The following PREP variants were observed in gnomAD, a reference collection of about 807,000 sequenced individuals.
PREP encodes the protein dJ355L5.1 (prolyl endopeptidase).
Under a neutral mutation model 87.6 loss-of-function variants are expected in PREP, and 29 were observed. The observed-to-expected ratio is 0.33, with a 90% CI of 0.25 to 0.45. The LOEUF is 0.45. Ranked by LOEUF, PREP falls within the 20% of genes least tolerant of loss-of-function variation. The pLI, the probability that PREP is intolerant of heterozygous loss-of-function variation, is 1.00. For synonymous variants in PREP, 337 were observed against 328.6 expected, an observed-to-expected ratio of 1.03 and a Z score of -0.28; for missense variants, 695 against 886.5, an observed-to-expected ratio of 0.78 and a Z score of 2.74.
intron 2 of PREP, among the ~76,000 whole-genome samples, chr6:105,383,818 C>A (rs1772915158): frequency 6.6e-6 from 1 of 152,122 alleles, no homozygotes; most frequent in African/African-American, 2.4e-5. Flanking sequence ...ATTTTAACCC[C>A]ATTAGGCTCC....
chr6:105,344,537 G>A (rs1472259842), intron 7 of PREP, among the ~76,000 whole-genome samples: 1 of 151,346 alleles, frequency 6.6e-6, no homozygotes, highest in Non-Finnish European at 1.5e-5. Flanking sequence ...GTAGGGACAT[G>A]GATGAAGCTG....
chr6:105,359,561 C>T (rs919702108), intron 6 of PREP, among the ~76,000 whole-genome samples: 18 of 152,242 alleles, frequency 1.2e-4, no homozygotes, highest in African/African-American at 4.1e-4. Flanking sequence ...ATCTCACTGA[C>T]AGACATCAGC....
intron 10 of PREP, among the ~76,000 whole-genome samples, chr6:105,301,855 T>A (rs1161142027): frequency 6.6e-6 from 1 of 152,186 alleles, no homozygotes; most frequent in Non-Finnish European, 1.5e-5. Flanking sequence ...GCCATCTGTT[T>A]TTTGGAATAA....
intron 7 of PREP, among the ~76,000 whole-genome samples, chr6:105,352,542 G>A (rs778555639): frequency 6.6e-6 from 1 of 152,074 alleles, no homozygotes; most frequent in Non-Finnish European, 1.5e-5. Context: ...TTAAAGACAG[G>A]GTCTGGCTAT....
intron 1 of PREP, among the ~76,000 whole-genome samples, chr6:105,400,064 C>T (rs919931810): frequency 6.6e-6 from 1 of 152,212 alleles, no homozygotes; most frequent in Admixed American, 6.5e-5. Context: ...GAAACATTCT[C>T]TCCAGGACAA....
chr6:105,349,713 CA>C (rs1771894525), intron 7 of PREP, among the ~76,000 whole-genome samples: 1 of 151,880 alleles, frequency 6.6e-6, no homozygotes, highest in African/African-American at 2.4e-5. Flanking sequence ...TTTAAGATAT[CA>C]AAAGAGGTAT....
At chr6:105,280,068 T>A (rs62419678) in intron 14 of PREP, among the ~76,000 whole-genome samples, 10 of 152,150 alleles carry the variant, frequency 6.6e-5, no homozygotes, top group African/African-American at 2.2e-4. Context: ...TAAAAAAAAT[T>A]CAGTCATTTT....
intron 1 of PREP, among the ~76,000 whole-genome samples, chr6:105,401,149 G>A (rs932441004): frequency 6.6e-6 from 1 of 152,140 alleles, no homozygotes; most frequent in East Asian, 1.9e-4. Context: ...TCTTTTAGAC[G>A]TCTTCATAAA....
At chr6:105,282,744 T>G (rs2236285) in intron 12 of PREP, among the ~76,000 whole-genome samples, 162 bp from the exon 13 acceptor site, 11,448 of 152,328 alleles carry the variant, frequency 0.075, 503 homozygotes, top group Admixed American at 0.12. Flanking sequence ...AGTTCTGTTA[T>G]GCACTGTGGA....
chr6:105,277,286 CTGTT>C lies in PREP; in HGVS notation c.*854_*857del, dbSNP rs61633877. Among the ~76,000 whole-genome samples, 10,472 of 151,500 alleles carry C rather than the reference CTGTT, an allele frequency of 0.069. 566 individuals carry two copies. The highest frequency in any genetic ancestry group is 0.15 in the African/African-American group (6,299 of 41,228). On this transcript the variant is annotated 3_prime_UTR_variant, in exon 15 of 15. Transcript: ENST00000652536. ...GTAAGAAATGCTTGGATATATGTAT[CTGTT>C]TGTTTGGATAATTTACTCATGTGAT...
At chr6:105,312,090 T>C (rs1209082662) in intron 10 of PREP, among the ~76,000 whole-genome samples, 2 of 152,226 alleles carry the variant, frequency 1.3e-5, no homozygotes, top group Non-Finnish European at 2.9e-5. Context: ...AACAGAAAAC[T>C]TGAGGCTCCA....
At chr6:105,353,144 T>C in intron 6 of PREP, 67 bp from the exon 7 acceptor site, 1 of 1,287,958 alleles carries the variant, frequency 7.8e-7, no homozygotes, top group Non-Finnish European at 1.1e-6. Context: ...CATTATTGAA[T>C]ATTAAGTTAA....
At chr6:105,358,185 A>G (rs908806437) in intron 6 of PREP, among the ~76,000 whole-genome samples, 1 of 152,166 alleles carries the variant, frequency 6.6e-6, no homozygotes, top group African/African-American at 2.4e-5. Flanking sequence ...TTATGTAAAT[A>G]AAACATTAAC....
intron 10 of PREP, among the ~76,000 whole-genome samples, chr6:105,316,300 C>T (rs1038464181): frequency 6.6e-6 from 1 of 152,118 alleles, no homozygotes; most frequent in Admixed American, 6.5e-5. Context: ...GGCGGTCTGA[C>T]GAGAGGGAGA....
intron 2 of PREP, among the ~76,000 whole-genome samples, chr6:105,386,022 A>G (rs1772984481): frequency 6.6e-6 from 1 of 152,218 alleles, no homozygotes; most frequent in Admixed American, 6.5e-5. Context: ...CGGGAGGCTG[A>G]GGCAGGAGAA....
chr6:105,402,045 G>A (rs998301454), intron 1 of PREP, among the ~76,000 whole-genome samples: 3 of 152,082 alleles, frequency 2.0e-5, no homozygotes, highest in East Asian at 3.9e-4. Context: ...CCAGAATTCC[G>A]CCTACTGGAT....
intron 9 of PREP, 24 bp downstream of exon 9, chr6:105,328,805 C>A: frequency 6.2e-7 from 1 of 1,609,862 alleles, no homozygotes; most frequent in Non-Finnish European, 8.5e-7. Flanking sequence ...TTAAAGTGAA[C>A]AGCAACAGTG....
intron 7 of PREP, among the ~76,000 whole-genome samples, chr6:105,335,908 T>C (rs1469250898): frequency 1.3e-5 from 2 of 151,652 alleles, no homozygotes; most frequent in African/African-American, 4.8e-5. Flanking sequence ...AAAAATAAAA[T>C]AAAAAATAAA....
rs1279644354 is a variant in PREP, at chr6:105,273,248, G to C, written c.*4896C>G. 6.6e-6 allele frequency: 1 copy of C among 152,064 alleles called. No homozygotes were observed. The highest frequency in any genetic ancestry group is 2.4e-5 in the African/African-American group (1 of 41,380). The allele number at this position is 152,064 out of a possible 1,614,324, so 9.4% of individuals were successfully genotyped here. On this transcript the variant is annotated 3_prime_UTR_variant, in exon 15 of 15. Transcript: ENST00000652536. ...CTTTTTTCTCTTTATTTCACTACCA[G>C]AGATTATTTCGATAACATTATGATT...
Sources: gnomAD v4.1 joint callset for allele counts (sites outside exome capture counted in the v4.1 genomes callset) on GRCh38, gnomAD v4.1.1 for gene constraint, MANE v1.5 for transcripts, NCBI Gene and HGNC (gene_info 2026-07-23, HGNC 2026-07-21) for gene names.